FAM163A: variants seen among roughly 807,000 people sequenced by gnomAD.
FAM163A encodes the protein protein FAM163A.
In FAM163A, 7 loss-of-function variants were observed where a neutral mutation model predicts 12.0. The ratio of observed to expected loss-of-function variants is 0.58; its 90% CI spans 0.33 to 1.10. FAM163A has a LOEUF of 1.10. FAM163A is among the 50% of genes least tolerant of loss of function. FAM163A has a pLI of 0.03. For synonymous variants in FAM163A, 101 were observed against 91.0 expected (o/e 1.11, Z -0.62); for missense variants, 202 against 218.6 (o/e 0.92, Z 0.48).
At chr1:179,787,646 C>T (rs189393291) in intron 1 of FAM163A, among the ~76,000 whole-genome samples, 2 of 152,168 alleles carry the variant, frequency 1.3e-5, no homozygotes, top group African/African-American at 2.4e-5. Flanking sequence ...TACAGCTCCC[C>T]CAAAGTGCCA....
At chr1:179,761,037 G>T (rs12118195) in intron 1 of FAM163A, among the ~76,000 whole-genome samples, 606 of 152,308 alleles carry the variant, frequency 4.0e-3, no homozygotes, top group Non-Finnish European at 5.5e-3. Flanking sequence ...CAACTGAAAT[G>T]TTTCATAATA....
chr1:179,766,874 G>T (rs1001441083), intron 1 of FAM163A, among the ~76,000 whole-genome samples: 11 of 151,902 alleles, frequency 7.2e-5, no homozygotes, highest in African/African-American at 2.7e-4. Context: ...TCCTGCTTCA[G>T]CCTCCCAAGT....
the FAM163A span, among the ~76,000 whole-genome samples, chr1:179,735,373 G>A: frequency 6.6e-6 from 1 of 152,038 alleles, no homozygotes; most frequent in Non-Finnish European, 1.5e-5. Context: ...TGTATTCAGT[G>A]TCACTGGGAT....
chr1:179,752,519 T>G (rs1050819030), intron 1 of FAM163A, among the ~76,000 whole-genome samples: 1 of 148,574 alleles, frequency 6.7e-6, no homozygotes, highest in Non-Finnish European at 1.5e-5. Flanking sequence ...AGGCAGCCTA[T>G]GGGATGGGAG....
rs186707415 is a variant in FAM163A, at chr1:179,762,947, C to G, written c.-136+19524C>G. 2.0e-3 allele frequency among the ~76,000 whole-genome samples: 307 copies of G among 152,234 alleles called. 3 individuals are homozygous for G. Among genetic ancestry groups the G allele is most frequent in the Admixed American group, 8.0e-3 (122 of 15,292 alleles). ...AGCTGGGACTCTCTGTAACAAAAGA[C>G]AAATCGACAGGAGAAAAACAAATAG... On this transcript the variant is annotated intron_variant, in intron 1 of 4. Coordinates refer to ENST00000341785, the MANE Select transcript of FAM163A (RefSeq NM_173509.3).
chr1:179,760,660 G>T (rs1205028926), intron 1 of FAM163A, among the ~76,000 whole-genome samples: 2 of 152,214 alleles, frequency 1.3e-5, no homozygotes, highest in South Asian at 4.1e-4. Context: ...GATCATGTCA[G>T]CAAATGCAGC....
At chr1:179,794,332 A>T (rs1691958867) in intron 1 of FAM163A, among the ~76,000 whole-genome samples, 1 of 152,222 alleles carries the variant, frequency 6.6e-6, no homozygotes, top group Non-Finnish European at 1.5e-5. Context: ...GTCCTGGTTT[A>T]TGCCAGTTGT....
At chr1:179,739,947 A>G (rs1452880034), upstream of FAM163A, among the ~76,000 whole-genome samples, 1 of 152,242 alleles carries the variant, frequency 6.6e-6, no homozygotes, top group South Asian at 2.1e-4. Context: ...TGGATCATTC[A>G]TATGTTCCTT....
At position 179,814,310 on chromosome 1, in the gene FAM163A, T is replaced by A; in HGVS notation, c.*121T>A. On this transcript the variant is annotated 3_prime_UTR_variant, in exon 5 of 5. Coordinates refer to ENST00000341785, the MANE Select transcript of FAM163A (RefSeq NM_173509.3). ...TTTCTGTTTCTTTGGCTTTTCTCGC[T>A]CCGCAGTGGAGGGTTTACTAGGATT... The A allele has an allele frequency of 3.0e-6, 4 of 1,313,638 alleles. No individual in the cohort carries two copies. The highest frequency in any genetic ancestry group is 2.6e-5 in the Admixed American group (1 of 39,070). 81.4% of individuals were successfully genotyped at this position (1,313,638 alleles called of 1,614,324 possible).
At chr1:179,734,207 GA>G in the FAM163A span, among the ~76,000 whole-genome samples, 1 of 152,156 alleles carries the variant, frequency 6.6e-6, no homozygotes, top group Non-Finnish European at 1.5e-5. Context: ...TTGACTGTCA[GA>G]AATTTTTGAA....
chr1:179,812,463 G>A (rs747288129), intron 3 of FAM163A, among the ~76,000 whole-genome samples: 5 of 152,144 alleles, frequency 3.3e-5, no homozygotes, highest in Non-Finnish European at 7.3e-5. Flanking sequence ...GTGCTGGTTT[G>A]AGCCAGAGAA....
the FAM163A span, among the ~76,000 whole-genome samples, chr1:179,730,715 C>A: frequency 6.6e-6 from 1 of 152,014 alleles, no homozygotes; most frequent in African/African-American, 2.4e-5. Context: ...TTTTTATATG[C>A]AAAAAAGCAC....
chr1:179,789,172 G>A (rs944594182), intron 1 of FAM163A, among the ~76,000 whole-genome samples: 4 of 149,340 alleles, frequency 2.7e-5, no homozygotes, highest in Admixed American at 2.7e-4. Flanking sequence ...GGGGAGCAGA[G>A]AGGAGACTAG....
chr1:179,747,345 T>G (rs905219677), intron 1 of FAM163A, among the ~76,000 whole-genome samples: 2 of 152,154 alleles, frequency 1.3e-5, no homozygotes, highest in Non-Finnish European at 2.9e-5. Flanking sequence ...CAAGCACCCA[T>G]TTTTGCTGAT....
At chr1:179,778,545 A>G (rs1364420706) in intron 1 of FAM163A, among the ~76,000 whole-genome samples, 1 of 152,160 alleles carries the variant, frequency 6.6e-6, no homozygotes, top group South Asian at 2.1e-4. Flanking sequence ...AGAGGGAAGG[A>G]AGACGTTTTA....
At chr1:179,779,854 G>A (rs1474277381) in intron 1 of FAM163A, among the ~76,000 whole-genome samples, 1 of 152,128 alleles carries the variant, frequency 6.6e-6, no homozygotes, top group East Asian at 1.9e-4. Context: ...GAACATCTTG[G>A]GCAAATCACC....
intron 3 of FAM163A, 120 bp from the exon 4 acceptor site, chr1:179,812,956 C>G: frequency 1.1e-6 from 1 of 899,438 alleles, no homozygotes; most frequent in Non-Finnish European, 1.7e-6. Flanking sequence ...CTGGCCCTCC[C>G]GGCACCTGCT....
At chr1:179,748,822 GAC>G (rs1391095119) in intron 1 of FAM163A, among the ~76,000 whole-genome samples, 2 of 152,256 alleles carry the variant, frequency 1.3e-5, no homozygotes, top group African/African-American at 4.8e-5. Context: ...GTTGGGCAAA[GAC>G]ACAGGGTTAC....
At chr1:179,768,359 A>G (rs1042665391) in intron 1 of FAM163A, among the ~76,000 whole-genome samples, 3 of 152,226 alleles carry the variant, frequency 2.0e-5, no homozygotes, top group South Asian at 4.1e-4. Context: ...AAGTGTGGCA[A>G]TAATTGCTCA....
Sources: allele counts gnomAD v4.1 joint callset (sites outside exome capture counted in the v4.1 genomes callset), GRCh38; gene constraint gnomAD v4.1.1; transcripts MANE v1.5; gene names NCBI Gene and HGNC (gene_info 2026-07-23, HGNC 2026-07-21).